NRG1: variants seen among roughly 807,000 people sequenced by gnomAD.
NRG1 encodes the protein neuregulin 1.
In NRG1, 18 loss-of-function variants were observed where a neutral mutation model predicts 63.8. That is an observed-to-expected ratio of 0.28 (90% confidence interval 0.19 to 0.42). The LOEUF is 0.42. Ranked by LOEUF, NRG1 falls within the 10% of genes least tolerant of loss-of-function variation. The pLI is 1.00. For synonymous variants in NRG1, 302 were observed against 301.3 expected (o/e 1.00, Z -0.02); for missense variants, 762 against 814.7 (o/e 0.94, Z 0.79).
intron 1 of NRG1, among the ~76,000 whole-genome samples, chr8:31,928,714 C>A (rs1374856975): frequency 3.3e-5 from 5 of 151,886 alleles, no homozygotes; most frequent in South Asian, 2.1e-4. Context: ...GAAATAATAT[C>A]TTTTGCAGCA....
chr8:31,933,975 T>A (rs1835075051), intron 1 of NRG1, among the ~76,000 whole-genome samples: 1 of 152,164 alleles, frequency 6.6e-6, no homozygotes, highest in South Asian at 2.1e-4. Flanking sequence ...ATCACTAGAA[T>A]ACATTTCATT....
At chr8:32,640,745 C>T (rs954969172) in intron 5 of NRG1, among the ~76,000 whole-genome samples, 2 of 152,090 alleles carry the variant, frequency 1.3e-5, no homozygotes, top group Non-Finnish European at 2.9e-5. Flanking sequence ...CTTTCTATCC[C>T]ATTTTATATA....
At chr8:32,413,446 G>A (rs1019782413) in intron 1 of NRG1, among the ~76,000 whole-genome samples, 1 of 152,156 alleles carries the variant, frequency 6.6e-6, no homozygotes, top group Non-Finnish European at 1.5e-5. Flanking sequence ...CCTTAGGCTT[G>A]TAGCATTCCA....
chr8:31,757,339 C>CT (rs1266934495), intron 1 of NRG1, among the ~76,000 whole-genome samples: 1 of 152,046 alleles, frequency 6.6e-6, no homozygotes, highest in Non-Finnish European at 1.5e-5. Context: ...AAGAGCTATT[C>CT]TTGGCTTTCA....
intron 1 of NRG1, among the ~76,000 whole-genome samples, chr8:32,553,373 C>T (rs1179229254): frequency 6.6e-6 from 1 of 152,036 alleles, no homozygotes; most frequent in Non-Finnish European, 1.5e-5. Flanking sequence ...CAAAATTTAC[C>T]TTTTATGGTA....
intron 1 of NRG1, among the ~76,000 whole-genome samples, chr8:31,905,237 T>A (rs1335577130): frequency 6.6e-6 from 1 of 152,130 alleles, no homozygotes; most frequent in Non-Finnish European, 1.5e-5. Flanking sequence ...TCCAGTAAGC[T>A]CCTTTTCCAC....
At chr8:32,688,320 C>G (rs899923225) in intron 5 of NRG1, among the ~76,000 whole-genome samples, 3 of 152,114 alleles carry the variant, frequency 2.0e-5, no homozygotes, top group Non-Finnish European at 4.4e-5. Flanking sequence ...CTTCTGTGCC[C>G]CATAACCAGT....
chr8:31,780,497 AG>A lies in NRG1; in HGVS notation c.37+141069del, dbSNP rs1489491885. On this transcript the variant is annotated intron_variant, in intron 1 of 10. Transcript: ENST00000519301. ...CCTAGAATTATTCACTGACATTATA[AG>A]GGTGCCTCCTGTGGCACAAATAGAA... Among the ~76,000 whole-genome samples, 5 of 152,342 alleles carry A rather than the reference AG, an allele frequency of 3.3e-5. 1 individual carries two copies. Among genetic ancestry groups the A allele is most frequent in the African/African-American group, 9.6e-5 (4 of 41,580 alleles).
At chr8:32,253,621 A>G (rs1034092554) in intron 1 of NRG1, among the ~76,000 whole-genome samples, 13 of 152,166 alleles carry the variant, frequency 8.5e-5, no homozygotes, top group Admixed American at 4.6e-4. Context: ...TTTTGCATCA[A>G]TGTTCATCAG....
At chr8:32,061,447 T>C (rs1441199807) in intron 1 of NRG1, among the ~76,000 whole-genome samples, 1 of 151,960 alleles carries the variant, frequency 6.6e-6, no homozygotes, top group Non-Finnish European at 1.5e-5. Flanking sequence ...ACCTACCCAA[T>C]AGGTACACAT....
intron 1 of NRG1, among the ~76,000 whole-genome samples, chr8:32,438,242 T>A (rs1220941447): frequency 6.6e-6 from 1 of 152,230 alleles, no homozygotes. Flanking sequence ...ATTTCAAGCA[T>A]GTTATATAAA....
intron 1 of NRG1, among the ~76,000 whole-genome samples, chr8:31,786,461 A>G (rs1820180687): frequency 6.6e-6 from 1 of 152,110 alleles, no homozygotes; most frequent in Non-Finnish European, 1.5e-5. Flanking sequence ...CTCTAATTCA[A>G]TGCTACTCTG....
At chr8:32,649,189 T>C (rs1854422490) in intron 5 of NRG1, among the ~76,000 whole-genome samples, 1 of 148,522 alleles carries the variant, frequency 6.7e-6, no homozygotes, top group Admixed American at 6.8e-5. Context: ...TTGATGTATG[T>C]CATCTTAGTC....
intron 1 of NRG1, among the ~76,000 whole-genome samples, chr8:31,648,956 T>C (rs903196827): frequency 8.3e-6 from 1 of 120,840 alleles, no homozygotes; most frequent in Admixed American, 1.0e-4. Context: ...TTTCTTTTTT[T>C]CTTTTCTTTT....
chr8:31,934,386 T>C (rs1163619480), intron 1 of NRG1, among the ~76,000 whole-genome samples: 2 of 147,010 alleles, frequency 1.4e-5, no homozygotes, highest in East Asian at 4.0e-4. Flanking sequence ...TTTCTCCCCC[T>C]ACACACACAT....
exon 11 of NRG1, chr8:32,760,272 C>T: frequency 1.2e-6 from 2 of 1,614,058 alleles, no homozygotes; most frequent in Non-Finnish European, 1.7e-6. Flanking sequence ...CCGTAGAAAA[C>T]AGTAGGCACA....
Position 32,111,002 on chromosome 8 carries a change from G to A in NRG1, c.37+471571G>A, listed in dbSNP as rs78567778. On this transcript the variant is annotated intron_variant, in intron 1 of 10. Transcript: ENST00000519301. Reference sequence around the variant, plus strand: ...GCAACGTTTCCTACCAAGGGACTGGGTGGTTCTGAATATAACACCATCTTT... The same window carrying A: ...GCAACGTTTCCTACCAAGGGACTGGATGGTTCTGAATATAACACCATCTTT... Among the ~76,000 whole-genome samples the A allele has an allele frequency of 2.5e-3, 384 of 152,292 alleles. 2 individuals are homozygous for A. The highest frequency in any genetic ancestry group is 8.8e-3 in the African/African-American group (367 of 41,564).
chr8:32,302,748 A>T (rs1353400368), intron 1 of NRG1, among the ~76,000 whole-genome samples: 7 of 138,906 alleles, frequency 5.0e-5, no homozygotes, highest in East Asian at 4.3e-4. Context: ...TGATGTAACC[A>T]TATGCCAATT....
chr8:32,037,422 G>A (rs1024130820), intron 1 of NRG1, among the ~76,000 whole-genome samples: 10 of 152,194 alleles, frequency 6.6e-5, no homozygotes, highest in African/African-American at 1.4e-4. Context: ...TCAGGGACCC[G>A]CTTAAATAAA....
Sources: allele counts gnomAD v4.1 joint callset (sites outside exome capture counted in the v4.1 genomes callset), GRCh38; gene constraint gnomAD v4.1.1; transcripts MANE v1.5; gene names NCBI Gene and HGNC (gene_info 2026-07-23, HGNC 2026-07-21).